DSCAM: variants seen among roughly 807,000 people sequenced by gnomAD.
DSCAM encodes DS cell adhesion molecule.
Under a neutral mutation model 217.7 loss-of-function variants are expected in DSCAM, and 47 were observed. That is an observed-to-expected ratio of 0.22 (90% CI 0.17 to 0.28). The LOEUF (loss-of-function observed/expected upper bound fraction) is 0.28. Among genes scored for constraint, DSCAM ranks in the 10% least tolerant of loss-of-function variants. The probability of loss-of-function intolerance (pLI) is 1.00; values close to 1 mark genes in which losing one functional copy is unlikely to be tolerated. For synonymous variants in DSCAM, 1,056 were observed against 1,015.3 expected (o/e 1.04, Z -0.76); for missense variants, 2,080 against 2,618.3 (o/e 0.79, Z 4.49).
At chr21:40,489,363 C>A (rs1014723222) in intron 3 of DSCAM, among the ~76,000 whole-genome samples, 3 of 152,200 alleles carry the variant, frequency 2.0e-5, no homozygotes, top group Non-Finnish European at 4.4e-5. Context: ...TGACTTTGAA[C>A]TTAAACTGCA....
intron 6 of DSCAM, among the ~76,000 whole-genome samples, chr21:40,344,065 G>A (rs2074530876): frequency 6.6e-6 from 1 of 151,710 alleles, no homozygotes; most frequent in Non-Finnish European, 1.5e-5. Context: ...CACCTGGCTA[G>A]TTTTTGTATT....
chr21:40,404,082 A>G (rs8133847), intron 3 of DSCAM, among the ~76,000 whole-genome samples: 19,386 of 151,676 alleles, frequency 0.13, 2,577 homozygotes, highest in African/African-American at 0.34. Flanking sequence ...TCCCTTGCTG[A>G]CTCTCTTATT....
chr21:40,343,049 T>G (rs2074516673), intron 6 of DSCAM, among the ~76,000 whole-genome samples: 1 of 152,190 alleles, frequency 6.6e-6, no homozygotes, highest in African/African-American at 2.4e-5. Flanking sequence ...TTAAAATATA[T>G]TCCTATCTTA....
At chr21:40,834,023 G>T (rs1021393450) in intron 1 of DSCAM, among the ~76,000 whole-genome samples, 3 of 152,058 alleles carry the variant, frequency 2.0e-5, no homozygotes, top group Non-Finnish European at 4.4e-5. Flanking sequence ...GTGCAAAATT[G>T]CCCTCCGTTA....
At chr21:40,446,312 T>C (rs1367057030) in intron 3 of DSCAM, among the ~76,000 whole-genome samples, 1 of 152,148 alleles carries the variant, frequency 6.6e-6, no homozygotes, top group African/African-American at 2.4e-5. Flanking sequence ...GACTTTGTCA[T>C]CAATCAAGGC....
chr21:40,541,729 AAAGT>A (rs1186858039), intron 3 of DSCAM, among the ~76,000 whole-genome samples: 4 of 152,202 alleles, frequency 2.6e-5, no homozygotes, highest in Non-Finnish European at 2.9e-5. Context: ...GAACTTTAAT[AAAGT>A]AATAATATTA....
chr21:40,572,661 G>C (rs1422138381), intron 3 of DSCAM, among the ~76,000 whole-genome samples: 1 of 152,130 alleles, frequency 6.6e-6, no homozygotes, highest in Non-Finnish European at 1.5e-5. Context: ...AGAGAAAAAG[G>C]AGTATATTCT....
intron 1 of DSCAM, among the ~76,000 whole-genome samples, chr21:40,796,365 T>G (rs144952340): frequency 9.2e-5 from 14 of 152,300 alleles, no homozygotes; most frequent in Admixed American, 2.0e-4. Flanking sequence ...GTTCCCAGAA[T>G]TTGCACACTT....
intron 1 of DSCAM, among the ~76,000 whole-genome samples, chr21:40,728,711 T>C (rs578139277): frequency 2.0e-5 from 3 of 152,322 alleles, no homozygotes; most frequent in South Asian, 4.1e-4. Context: ...TGAGCCACCA[T>C]GCCTAGCCCA....
chr21:40,577,836 G>C (rs949224200), intron 3 of DSCAM, among the ~76,000 whole-genome samples: 1 of 152,118 alleles, frequency 6.6e-6, no homozygotes, highest in African/African-American at 2.4e-5. Flanking sequence ...GGGGCTTTGG[G>C]CGTTATCAAT....
intron 5 of DSCAM, among the ~76,000 whole-genome samples, chr21:40,350,704 G>A (rs1200088732): frequency 6.6e-6 from 1 of 151,966 alleles, no homozygotes; most frequent in East Asian, 1.9e-4. Flanking sequence ...AGATCAGTCA[G>A]AATGGAAAGA....
At position 40,187,880 on chromosome 21, in the gene DSCAM, C is replaced by T. The variant is rs772179496; in HGVS notation, c.2650+11G>A. 13 of 1,604,454 alleles carry T rather than the reference C, an allele frequency of 8.1e-6. No homozygotes were observed. The highest frequency in any genetic ancestry group is 2.2e-5 in the East Asian group (1 of 44,846). On this transcript the variant is annotated intron_variant, in intron 13 of 32. Coordinates refer to ENST00000400454, the MANE Select transcript of DSCAM (RefSeq NM_001389.5). ...GACTGTGTTTATTCTCTTACGCTAT[C>T]GTCTTCCTACCTTGCACTGTGAGCT...
intron 3 of DSCAM, among the ~76,000 whole-genome samples, chr21:40,381,061 T>TCA (rs1423769901): frequency 1.2e-4 from 2 of 16,808 alleles, no homozygotes; most frequent in African/African-American, 2.4e-4. Flanking sequence ...AGACTCCGTC[T>TCA]CAAAAAAAAA....
chr21:40,572,192 A>T (rs1423795284), intron 3 of DSCAM, among the ~76,000 whole-genome samples: 1 of 152,068 alleles, frequency 6.6e-6, no homozygotes, highest in African/African-American at 2.4e-5. Context: ...ACAGTGAAAC[A>T]AAAGAATACA....
intron 11 of DSCAM, among the ~76,000 whole-genome samples, chr21:40,191,079 T>C (rs983194485): frequency 2.6e-5 from 4 of 152,222 alleles, no homozygotes; most frequent in African/African-American, 9.6e-5. Context: ...ACTTGATTGC[T>C]TGCCTCGTAA....
chr21:40,403,900 A>C (rs562587011), intron 3 of DSCAM, among the ~76,000 whole-genome samples: 2 of 152,342 alleles, frequency 1.3e-5, no homozygotes, highest in South Asian at 4.1e-4. Flanking sequence ...TTAGAAAATA[A>C]TATGAAAATC....
In DSCAM at chr21:40,318,982, TGGA is replaced by T. The variant is rs1453229774; in HGVS notation, c.1784-6626_1784-6624del. Among the ~76,000 whole-genome samples, 3 of 152,246 alleles carry T rather than the reference TGGA, an allele frequency of 2.0e-5. No homozygotes were observed. The East Asian group carries it at 5.8e-4, about 29-fold the overall frequency. ...ACAAGGCATTGTCCTTGCAGTGTGG[TGGA>T]GATGACTTTTAGGATCTATCTTTAA... On this transcript the variant is annotated intron_variant, in intron 8 of 32. Coordinates refer to ENST00000400454, the MANE Select transcript of DSCAM (RefSeq NM_001389.5).
At chr21:40,632,807 C>A (rs887094260) in intron 3 of DSCAM, among the ~76,000 whole-genome samples, 1 of 152,116 alleles carries the variant, frequency 6.6e-6, no homozygotes, top group South Asian at 2.1e-4. Flanking sequence ...GGAAGCCCAG[C>A]GCCACTGGAA....
At chr21:40,708,305 C>T in intron 2 of DSCAM, 149 bp downstream of exon 2, 2 of 565,152 alleles carry the variant, frequency 3.5e-6, no homozygotes, top group Non-Finnish European at 5.5e-6. Flanking sequence ...AACAAGGAGA[C>T]CTTAAAGAAG....
Sources: allele counts gnomAD v4.1 joint callset (sites outside exome capture counted in the v4.1 genomes callset), GRCh38; gene constraint gnomAD v4.1.1; transcripts MANE v1.5; gene names NCBI Gene and HGNC (gene_info 2026-07-23, HGNC 2026-07-21).